The following RTEL1 variants were observed in gnomAD, a reference collection of about 807,000 sequenced individuals.
RTEL1 encodes regulator of telomere elongation helicase 1, also known as regulator of telomere length.
RTEL1 carries 86 observed loss-of-function variants against 162.2 expected under a neutral mutation model. The ratio of observed to expected loss-of-function variants is 0.53; its 90% confidence interval spans 0.45 to 0.63. The LOEUF is 0.63. Ranked by LOEUF, RTEL1 falls within the 30% of genes least tolerant of loss-of-function variation. The pLI is 0.00. For missense variants in RTEL1, 1,941 were observed against 1,750.2 expected (o/e 1.11, Z -1.95); for synonymous variants, 958 against 717.9 (o/e 1.33, Z -5.35).
rs191530533 is a variant in RTEL1, at chr20:63,678,657, A to G, written c.1037+311A>G. On this transcript the variant is annotated intron_variant, in intron 12 of 34. Coordinates refer to ENST00000360203, the MANE Select transcript of RTEL1 (RefSeq NM_001283009.2). ...AGCACACACACTCCCACGGAACAGC[A>G]CACACACCCACGGAACGGCACACAC... Among the ~76,000 whole-genome samples the G allele has an allele frequency of 5.3e-3, 660 of 123,762 alleles. 18 individuals carry two copies. Among genetic ancestry groups the G allele is most frequent in the Admixed American group, 0.051 (619 of 12,030 alleles). The allele number at this position is 123,762 out of a possible 152,430, so 81.2% of individuals were successfully genotyped here.
chr20:63,692,742 T>G, intron 28 of RTEL1, 63 bp from the exon 29 acceptor site: 1 of 1,505,060 alleles, frequency 6.6e-7, no homozygotes, highest in Admixed American at 1.8e-5. Flanking sequence ...AGGAAGGCTC[T>G]GCAGCCCCAG....
At position 63,667,511 on chromosome 20, in the gene RTEL1, C is replaced by T. The variant is rs148367004; in HGVS notation, c.657C>T (p.Ala219=). The T allele has an allele frequency of 1.2e-5, 20 of 1,614,032 alleles. No homozygotes were observed. The highest frequency in any genetic ancestry group is 6.7e-5 in the African/African-American group (5 of 75,026). The change falls in exon 8 of 35, where the codon GCC becomes GCT. Residue 219 remains alanine (A), a synonymous_variant. Coordinates refer to ENST00000360203, the MANE Select transcript of RTEL1 (RefSeq NM_001283009.2). Reference sequence around the variant, plus strand: ...TGTCCCGGAACCTGAAGCAGCAAGCCGACATCATATTCATGCCGTACAATT... The same window carrying T: ...TGTCCCGGAACCTGAAGCAGCAAGCTGACATCATATTCATGCCGTACAATT... ...YYLSRNLKQQ[A]DIIFMPYNYL... is the part of the protein sequence containing the mutation.
rs200941691 is a variant in RTEL1 at position 63,693,289 on chromosome 20, T to A, written c.2992+6T>A. The A allele has an allele frequency of 5.0e-6, 8 of 1,611,400 alleles. No homozygotes were observed. The East Asian group carries it at 8.9e-5, about 18-fold the overall frequency. ...GCCGGTCCTGGACCCCACTGGTAAA[T>A]GGGGCCCCAGGTGGGACCCTCAGAC... is the stretch of plus-strand genomic sequence containing the variant. On this transcript the variant is annotated splice_donor_region_variant and intron_variant, in intron 30 of 34. Transcript: ENST00000360203.
At chr20:63,665,731 G>A (rs563381691) in intron 6 of RTEL1, among the ~76,000 whole-genome samples, 1 of 152,222 alleles carries the variant, frequency 6.6e-6, no homozygotes, top group South Asian at 2.1e-4. Flanking sequence ...GAGAGGATGC[G>A]TAGAACCCTC....
At chr20:63,685,396 A>C in intron 14 of RTEL1, 127 bp from the exon 15 acceptor site, 1 of 940,062 alleles carries the variant, frequency 1.1e-6, no homozygotes, top group African/African-American at 1.7e-5. Context: ...CTGGGGCTGC[A>C]TGATGGCAGG....
Position 63,672,762 on chromosome 20 carries a change from C to T in RTEL1, c.765+141C>T, listed in dbSNP as rs2090271074. ...GACTGGGGACTGAGCACACCAGGAG[C>T]TTCTGCCACCCCCTCCCGCCCTGAT... On this transcript the variant is annotated intron_variant, in intron 9 of 34. Transcript: ENST00000360203. The T allele has an allele frequency of 5.7e-6, 4 of 705,086 alleles. No homozygotes were observed. In the East Asian group the frequency reaches 1.1e-4, roughly 19 times the overall value. 43.7% of individuals were successfully genotyped at this position (705,086 alleles called of 1,614,324 possible).
At chr20:63,685,988 C>T (rs1036090685) in intron 16 of RTEL1, 116 bp downstream of exon 16, 1 of 928,456 alleles carries the variant, frequency 1.1e-6, no homozygotes, top group African/African-American at 1.6e-5. Flanking sequence ...GGCCTGGCCA[C>T]CTTCTCCATA....
chr20:63,661,145 T>C lies in RTEL1; in HGVS notation c.103-153T>C, dbSNP rs1259700912. ...GCAAGAGTGGGACTTGCCTGTGGAC[T>C]TCTCCGCGGTCCCACAGGGCTCTCG... is the stretch of plus-strand genomic sequence containing the variant. On this transcript the variant is annotated intron_variant, in intron 2 of 34. Coordinates refer to ENST00000360203, the MANE Select transcript of RTEL1 (RefSeq NM_001283009.2). This position sits in a 1 kb window ranked among gnomAD's most constrained non-coding sequence, Gnocchi z 5.1. 2.6e-5 allele frequency among the ~76,000 whole-genome samples: 4 copies of C among 152,250 alleles called. No individual in the cohort carries two copies. In the East Asian group the frequency reaches 7.7e-4, roughly 29 times the overall value.
chr20:63,688,113 C>T, intron 18 of RTEL1, 26 bp from the exon 19 acceptor site: 2 of 1,612,330 alleles, frequency 1.2e-6, no homozygotes, highest in Non-Finnish European at 1.7e-6. Context: ...GCCTGAGGTC[C>T]TGAGCAGTGG....
Position 63,671,922 on chromosome 20 carries a change from C to T in RTEL1, c.700-634C>T, listed in dbSNP as rs142725927. ...TTTTTGAGATGAAGTCTCACTCTGTCGCCTAGGCTGGAGTGCAGTGACACA... is the reference window on the plus strand; with the variant it reads ...TTTTTGAGATGAAGTCTCACTCTGTTGCCTAGGCTGGAGTGCAGTGACACA... On this transcript the variant is annotated intron_variant, in intron 8 of 34. Transcript: ENST00000360203. Among the ~76,000 whole-genome samples, 548 of 152,136 alleles carry T rather than the reference C, an allele frequency of 3.6e-3. 1 individual carries two copies. The highest frequency in any genetic ancestry group is 6.0e-3 in the Non-Finnish European group (408 of 68,008).
intron 12 of RTEL1, 45 bp from the exon 13 acceptor site, chr20:63,679,804 C>G: frequency 6.8e-7 from 1 of 1,474,972 alleles, no homozygotes; most frequent in South Asian, 1.1e-5. Flanking sequence ...AAGCTGCAGT[C>G]TGGTCCCCCC....
At chr20:63,688,412 G>T (rs1319297620) in intron 20 of RTEL1, 26 bp downstream of exon 20, 1 of 1,609,938 alleles carries the variant, frequency 6.2e-7, no homozygotes, top group Non-Finnish European at 8.5e-7. Context: ...GTTCTGGGCG[G>T]GGTGGGTGAG....
chr20:63,692,600 G>C, intron 28 of RTEL1: 1 of 600,054 alleles, frequency 1.7e-6, no homozygotes. Context: ...GCCTCTCACT[G>C]TGTGACCTCA....
Position 63,661,953 on chromosome 20 carries a change from AC to A in RTEL1, c.395+11del. On this transcript the variant is annotated intron_variant, in intron 4 of 34. Transcript: ENST00000360203. This position sits in a 1 kb window ranked among gnomAD's most constrained non-coding sequence, Gnocchi z 5.1. ...GGAACACCTCCTACCGGTGGGTCAG[AC>A]GAGTTTACACCTGTCTCGGGGTCCT... 6.2e-7 allele frequency: 1 copy of A among 1,605,666 alleles called. No homozygotes were observed. Among genetic ancestry groups the A allele is most frequent in the Non-Finnish European group, 8.5e-7 (1 of 1,172,440 alleles).
chr20:63,666,157 ATTTC>A, intron 7 of RTEL1, 78 bp downstream of exon 7: 1 of 1,117,414 alleles, frequency 8.9e-7, no homozygotes, highest in Non-Finnish European at 1.3e-6. Context: ...GCCCGGATAT[ATTTC>A]TTCACTTTTC....
intron 7 of RTEL1, 88 bp downstream of exon 7, chr20:63,666,167 T>C: frequency 9.6e-7 from 1 of 1,041,050 alleles, no homozygotes; most frequent in Non-Finnish European, 1.4e-6. Context: ...ATTTCTTCAC[T>C]TTTCTTTGTT....
At position 63,696,099 on chromosome 20, in the gene RTEL1, C is replaced by T. The variant is rs2090973438; in HGVS notation, c.*241C>T. 1.8e-6 allele frequency: 1 copy of T among 556,758 alleles called. No individual in the cohort carries two copies. 34.5% of individuals were successfully genotyped at this position (556,758 alleles called of 1,614,324 possible). A position where few individuals can be genotyped will look rare whatever the true frequency, so the allele number is the denominator to read the frequency against. ...GTGGGTTTCTGGGAAAGTGCTTCCC[C>T]AGAACTTCCCTGGCTCCTGGCCTGT... is the stretch of plus-strand genomic sequence containing the variant. On this transcript the variant is annotated 3_prime_UTR_variant, in exon 35 of 35. Coordinates refer to ENST00000360203, the MANE Select transcript of RTEL1 (RefSeq NM_001283009.2).
At position 63,661,999 on chromosome 20, in the gene RTEL1, T is replaced by C; in HGVS notation, c.395+56T>C. ...GGTCCTCAAGAGAACCAGCTTGGCA[T>C]GGTGCTGAGTCCACAGCCCCATGCT... On this transcript the variant is annotated intron_variant, in intron 4 of 34. Transcript: ENST00000360203. This position sits in a 1 kb window ranked among gnomAD's most constrained non-coding sequence, Gnocchi z 5.1. The C allele has an allele frequency of 7.6e-7, 1 of 1,310,560 alleles. No homozygotes were observed. 81.2% of individuals were successfully genotyped at this position (1,310,560 alleles called of 1,614,324 possible). A position where few individuals can be genotyped will look rare whatever the true frequency, so the allele number is the denominator to read the frequency against.
chr20:63,682,994 C>T (rs2090508931), intron 14 of RTEL1, among the ~76,000 whole-genome samples: 1 of 152,200 alleles, frequency 6.6e-6, no homozygotes, highest in East Asian at 1.9e-4. Context: ...GAAAGGGTCT[C>T]GCTTTGTCAC....
Sources: gnomAD v4.1 joint callset for allele counts (sites outside exome capture counted in the v4.1 genomes callset) on GRCh38, gnomAD v4.1.1 for gene constraint, Gnocchi (gnomAD v3.1) non-coding constraint, MANE v1.5 for transcripts, NCBI Gene and HGNC (gene_info 2026-07-23, HGNC 2026-07-21) for gene names.